CNTNAP2: variants seen among roughly 807,000 people sequenced by gnomAD.
CNTNAP2 encodes the protein contactin-associated protein-like 2.
CNTNAP2 carries 98 observed loss-of-function variants against 155.2 expected under a neutral mutation model. The ratio of observed to expected loss-of-function variants is 0.63; its 90% CI spans 0.54 to 0.75. CNTNAP2 has a LOEUF of 0.75. Ranked by LOEUF, CNTNAP2 falls within the 30% of genes least tolerant of loss-of-function variation. The probability of loss-of-function intolerance (pLI) is 0.00; values close to 1 mark genes in which losing one functional copy is unlikely to be tolerated. For synonymous variants in CNTNAP2, 651 were observed against 631.2 expected (o/e 1.03, Z -0.47); for missense variants, 1,727 against 1,688.1 (o/e 1.02, Z -0.40).
At chr7:148,202,330 A>G (rs934944135) in intron 18 of CNTNAP2, among the ~76,000 whole-genome samples, 3 of 152,176 alleles carry the variant, frequency 2.0e-5, no homozygotes, top group African/African-American at 7.2e-5. Flanking sequence ...TGTATATACA[A>G]ACATATACAT....
At chr7:147,225,873 GGGAAAGAAGGAAGGAAGGAAGGAAGGAA>G (rs1803523267) in intron 8 of CNTNAP2, among the ~76,000 whole-genome samples, 2 of 30,208 alleles carry the variant, frequency 6.6e-5, no homozygotes, top group East Asian at 1.8e-3. Context: ...GAAGGAAGGA[GGGAAAGAAGGAAGGAAGGAAGGAAGGAA>G]GGAAAGAAGG....
intron 13 of CNTNAP2, among the ~76,000 whole-genome samples, chr7:147,701,328 C>T (rs1483711593): frequency 6.6e-6 from 1 of 152,136 alleles, no homozygotes; most frequent in African/African-American, 2.4e-5. Flanking sequence ...CAAAGTGCTG[C>T]CTGTCATTAC....
At chr7:148,332,369 T>C (rs555681022) in intron 21 of CNTNAP2, among the ~76,000 whole-genome samples, 5 of 152,314 alleles carry the variant, frequency 3.3e-5, no homozygotes, top group African/African-American at 1.2e-4. Context: ...TAGGATATGA[T>C]GTGATGCTTT....
intron 4 of CNTNAP2, among the ~76,000 whole-genome samples, chr7:147,086,859 A>G (rs1800289797): frequency 6.6e-6 from 1 of 152,226 alleles, no homozygotes; most frequent in Non-Finnish European, 1.5e-5. Context: ...ATTATTGTCA[A>G]AGCAAAACAA....
At chr7:147,532,576 C>T (rs141631251) in intron 11 of CNTNAP2, among the ~76,000 whole-genome samples, 9 of 152,286 alleles carry the variant, frequency 5.9e-5, no homozygotes, top group African/African-American at 2.2e-4. Flanking sequence ...TTCAGCAGCG[C>T]CCCACTCTAC....
intron 1 of CNTNAP2, among the ~76,000 whole-genome samples, chr7:146,127,157 G>A (rs184868251): frequency 1.6e-4 from 25 of 152,138 alleles, no homozygotes; most frequent in Middle Eastern, 3.4e-3. Context: ...ATGCTGTTTC[G>A]AATCATATTT....
At chr7:147,624,383 T>TTATA (rs950319578) in intron 12 of CNTNAP2, among the ~76,000 whole-genome samples, 2 of 152,066 alleles carry the variant, frequency 1.3e-5, no homozygotes, top group Non-Finnish European at 2.9e-5. Flanking sequence ...AACCAGAATA[T>TTATA]TATATAAGGA....
intron 4 of CNTNAP2, among the ~76,000 whole-genome samples, chr7:147,057,555 G>T (rs1351095350): frequency 1.3e-5 from 2 of 152,114 alleles, no homozygotes; most frequent in Non-Finnish European, 2.9e-5. Context: ...GGAGGAAAGG[G>T]CTGTCTCGTA....
chr7:147,735,968 C>T (rs146977395), intron 13 of CNTNAP2, among the ~76,000 whole-genome samples: 3 of 147,102 alleles, frequency 2.0e-5, no homozygotes, highest in Non-Finnish European at 4.6e-5. Context: ...GGTCTTGACT[C>T]TTTATCCAAT....
intron 13 of CNTNAP2, among the ~76,000 whole-genome samples, chr7:147,678,185 C>T (rs773965377): frequency 1.3e-5 from 2 of 151,764 alleles, no homozygotes; most frequent in Non-Finnish European, 3.0e-5. Context: ...TTACATGAGC[C>T]TTCAGTTTAG....
intron 1 of CNTNAP2, among the ~76,000 whole-genome samples, chr7:146,513,261 C>T (rs1004645386): frequency 2.0e-5 from 3 of 151,910 alleles, no homozygotes; most frequent in Non-Finnish European, 2.9e-5. Context: ...CATCTACCCT[C>T]TATCTTTTAA....
At chr7:147,115,537 T>C (rs758563301) in intron 5 of CNTNAP2, among the ~76,000 whole-genome samples, 1 of 152,226 alleles carries the variant, frequency 6.6e-6, no homozygotes, top group African/African-American at 2.4e-5. Context: ...TTTTTCTCTA[T>C]TCTTGTCTGC....
rs543757033 is a variant in CNTNAP2 at position 147,461,424 on chromosome 7, A to G, written c.1671-24511A>G. 1.2e-4 allele frequency among the ~76,000 whole-genome samples: 17 copies of G among 147,366 alleles called. No homozygotes were observed. In the South Asian group the frequency reaches 3.4e-3, roughly 30 times the overall value. On this transcript the variant is annotated intron_variant, in intron 10 of 23. Coordinates refer to ENST00000361727, the MANE Select transcript of CNTNAP2 (RefSeq NM_014141.6). ...ACCAGGATCAAATTATTGCCTATCCATTTTTCTGAAGGGCAATCAGACGAT... is the reference window on the plus strand; with the variant it reads ...ACCAGGATCAAATTATTGCCTATCCGTTTTTCTGAAGGGCAATCAGACGAT...
chr7:146,540,184 G>T (rs1018547614), intron 1 of CNTNAP2, among the ~76,000 whole-genome samples: 1 of 152,024 alleles, frequency 6.6e-6, no homozygotes, highest in Non-Finnish European at 1.5e-5. Flanking sequence ...TTGGTTCATG[G>T]CCTTATATTC....
intron 9 of CNTNAP2, among the ~76,000 whole-genome samples, chr7:147,348,454 C>T (rs1399069375): frequency 2.0e-5 from 3 of 151,648 alleles, no homozygotes; most frequent in Non-Finnish European, 2.9e-5. Context: ...TAAGTTATCG[C>T]ACCGTCAGTA....
intron 10 of CNTNAP2, among the ~76,000 whole-genome samples, chr7:147,420,970 A>G (rs1797282295): frequency 6.6e-6 from 1 of 152,204 alleles, no homozygotes; most frequent in African/African-American, 2.4e-5. Context: ...GGAGGATCAT[A>G]AAGAAGTAAT....
chr7:148,222,195 C>T (rs1327396304), intron 19 of CNTNAP2, among the ~76,000 whole-genome samples: 2 of 152,232 alleles, frequency 1.3e-5, no homozygotes, highest in Admixed American at 6.5e-5. Flanking sequence ...CCACAGCCAG[C>T]ACCGCCTGCC....
chr7:146,692,242 G>A (rs550498224), intron 1 of CNTNAP2, among the ~76,000 whole-genome samples: 1 of 152,248 alleles, frequency 6.6e-6, no homozygotes, highest in South Asian at 2.1e-4. Context: ...ATAGAGACCT[G>A]TCACAGTGGT....
At chr7:146,867,846 C>T (rs766325866) in intron 3 of CNTNAP2, among the ~76,000 whole-genome samples, 10 of 150,550 alleles carry the variant, frequency 6.6e-5, no homozygotes, top group Non-Finnish European at 1.5e-4. Context: ...TGTTCATGTC[C>T]TTTGCCCACT....
Sources: gnomAD v4.1 joint callset for allele counts (sites outside exome capture counted in the v4.1 genomes callset) on GRCh38, gnomAD v4.1.1 for gene constraint, MANE v1.5 for transcripts, NCBI Gene and HGNC (gene_info 2026-07-23, HGNC 2026-07-21) for gene names.